Variants in EFCAB6 observed in about 807,000 individuals in gnomAD.
EFCAB6 encodes the protein EF-hand calcium binding domain 6, also known as EF-hand calcium-binding domain-containing protein 6.
In EFCAB6, 156 loss-of-function variants were observed where a neutral mutation model predicts 169.8. That is an observed-to-expected ratio of 0.92 (90% CI 0.81 to 1.05). The LOEUF (loss-of-function observed/expected upper bound fraction) is 1.05. EFCAB6 is among the 50% of genes least tolerant of loss of function. EFCAB6 has a pLI of 0.00. For missense variants in EFCAB6, 1,800 were observed against 1,829.1 expected, an observed-to-expected ratio of 0.98 and a Z score of 0.29; for synonymous variants, 698 against 676.4, an observed-to-expected ratio of 1.03 and a Z score of -0.50.
Position 43,540,589 on chromosome 22 carries a change from A to ATT in EFCAB6, c.3649-234_3649-233dup. The ATT allele has an allele frequency of 2.0e-6, 3 of 1,463,510 alleles. No homozygotes were observed. In the South Asian group the frequency reaches 3.8e-5, roughly 19 times the overall value. The allele number at this position is 1,463,510 out of a possible 1,614,324, so 90.7% of individuals were successfully genotyped here. Reference sequence around the variant, plus strand: ...GGATTATTCATGGCTTCTGCAGGACATTTTTTAATTGAATTGGGCCCTCAG... The same window carrying ATT: ...GGATTATTCATGGCTTCTGCAGGACATTTTTTTTAATTGAATTGGGCCCTCAG... On this transcript the variant is annotated intron_variant, in intron 27 of 31. Transcript: ENST00000262726.
At position 43,608,490 on chromosome 22, in the gene EFCAB6, A is replaced by G. The variant is rs765671189; in HGVS notation, c.2673T>C (p.Leu891=). Residue 891 remains leucine (L), a synonymous_variant, in exon 22 of 32, where the codon CTT becomes CTC. Coordinates refer to ENST00000262726, the MANE Select transcript of EFCAB6 (RefSeq NM_022785.4). ...IPLTPREFEK[L]WARYDTEGKG... ...TCTCACGTGCCACTTACCTTGCCCA[A>G]AGCTTTTCAAACTCTCTTGGTGTGA... 1.1e-5 allele frequency: 18 copies of G among 1,613,964 alleles called. No homozygotes were observed. The Middle Eastern group carries it at 1.3e-3, about 118-fold the overall frequency.
At chr22:43,792,119 G>A (rs1029348920) in intron 2 of EFCAB6, among the ~76,000 whole-genome samples, 2 of 152,202 alleles carry the variant, frequency 1.3e-5, no homozygotes, top group African/African-American at 4.8e-5. Flanking sequence ...AGGAAGTCAG[G>A]TCATCAGCAG....
At chr22:43,667,039 A>G in intron 17 of EFCAB6, 65 bp downstream of exon 17, 2 of 1,544,476 alleles carry the variant, frequency 1.3e-6, no homozygotes, top group Non-Finnish European at 1.8e-6. Context: ...CCTTTAAAGT[A>G]TGTTAGTATA....
At chr22:43,709,227 G>A (rs755347930) in intron 10 of EFCAB6, among the ~76,000 whole-genome samples, 2 of 151,926 alleles carry the variant, frequency 1.3e-5, no homozygotes, top group African/African-American at 2.4e-5. Context: ...GATTACAGGC[G>A]CCCACCACCA....
chr22:43,600,647 G>GAT (rs200775799), intron 22 of EFCAB6, among the ~76,000 whole-genome samples: 4 of 110,636 alleles, frequency 3.6e-5, no homozygotes, highest in Admixed American at 1.0e-4. Flanking sequence ...CGTTTAGCAG[G>GAT]GTTTTTTTTT....
At chr22:43,789,465 G>A (rs1390458102) in intron 2 of EFCAB6, among the ~76,000 whole-genome samples, 2 of 152,120 alleles carry the variant, frequency 1.3e-5, no homozygotes, top group African/African-American at 4.8e-5. Context: ...TTTAGATTAT[G>A]ATTTAAAGAC....
Position 43,583,311 on chromosome 22 carries a change from T to C in EFCAB6, c.3033-2652A>G, listed in dbSNP as rs1056629537. On this transcript the variant is annotated intron_variant, in intron 24 of 31. Coordinates refer to ENST00000262726, the MANE Select transcript of EFCAB6 (RefSeq NM_022785.4). ...GAAAAGCCCTCTTCTGCTTGCTCTT[T>C]GAGATGCTTACAGATTTCATGGTTG... is the stretch of plus-strand genomic sequence containing the variant. 2.6e-5 allele frequency among the ~76,000 whole-genome samples: 4 copies of C among 151,420 alleles called. 1 individual carries two copies. The highest frequency in any genetic ancestry group is 9.7e-5 in the African/African-American group (4 of 41,206).
At position 43,758,644 on chromosome 22, in the gene EFCAB6, A is replaced by G. The variant is rs115878886; in HGVS notation, c.441-2812T>C. ...CCAAAAATCATTTCTATTTACCCAT[A>G]TTTTGCCACTTTCTTTGCTTTTCAC... On this transcript the variant is annotated intron_variant, in intron 5 of 31. Transcript: ENST00000262726. Among the ~76,000 whole-genome samples, 1,399 of 152,056 alleles carry G rather than the reference A, an allele frequency of 9.2e-3. 18 individuals are homozygous for G. Among genetic ancestry groups the G allele is most frequent in the African/African-American group, 0.032 (1,342 of 41,456 alleles).
At chr22:43,699,938 C>T (rs991980368) in intron 10 of EFCAB6, among the ~76,000 whole-genome samples, 1 of 152,176 alleles carries the variant, frequency 6.6e-6, no homozygotes, top group African/African-American at 2.4e-5. Context: ...GATGGAAGGA[C>T]GATGTATGAT....
In EFCAB6 at chr22:43,802,579, T is replaced by A. The variant is rs1245982251; in HGVS notation, c.-8+6416A>T. On this transcript the variant is annotated intron_variant, in intron 2 of 31. Coordinates refer to ENST00000262726, the MANE Select transcript of EFCAB6 (RefSeq NM_022785.4). ...AGATGAAGGACAAATCACAGAGATCTGCAAGCTTGTCTGCTAAACCTGCTC... is the reference window on the plus strand; with the variant it reads ...AGATGAAGGACAAATCACAGAGATCAGCAAGCTTGTCTGCTAAACCTGCTC... The A allele has an allele frequency of 9.7e-6, 4 of 412,110 alleles. No homozygotes were observed. The East Asian group carries it at 1.8e-4, about 19-fold the overall frequency. 25.5% of individuals were successfully genotyped at this position (412,110 alleles called of 1,614,324 possible).
intron 5 of EFCAB6, among the ~76,000 whole-genome samples, chr22:43,757,437 C>T (rs1469803922): frequency 1.3e-5 from 2 of 152,028 alleles, no homozygotes; most frequent in African/African-American, 4.8e-5. Context: ...ATCCCAACTA[C>T]TTAGGAGGCT....
intron 17 of EFCAB6, among the ~76,000 whole-genome samples, chr22:43,659,422 G>T (rs1165653267): frequency 6.6e-6 from 1 of 152,178 alleles, no homozygotes; most frequent in Non-Finnish European, 1.5e-5. Flanking sequence ...ACTTTCGGAG[G>T]CTGAGGTGGG....
chr22:43,630,448 G>A (rs1381914625), intron 19 of EFCAB6, among the ~76,000 whole-genome samples: 3 of 152,220 alleles, frequency 2.0e-5, no homozygotes, highest in East Asian at 1.9e-4. Context: ...TTCACTGATC[G>A]TAAAGATAGG....
intron 8 of EFCAB6, 86 bp downstream of exon 8, chr22:43,731,613 T>C: frequency 1.4e-6 from 1 of 707,266 alleles, no homozygotes; most frequent in South Asian, 2.9e-5. Flanking sequence ...TATTTGAAAG[T>C]ATTTCCTCAG....
chr22:43,730,259 A>AAAGGATGGAGGGAGGGAGGGAAGGAGGG (rs760747878), intron 8 of EFCAB6, among the ~76,000 whole-genome samples: 1 of 808 alleles, frequency 1.2e-3, no homozygotes, highest in Non-Finnish European at 2.3e-3. Context: ...GGGAAGGAGG[A>AAAGGATGGAGGGAGGGAGGGAAGGAGGG]AAGGGAGCGA....
At chr22:43,694,864 A>G (rs1361649235) in intron 10 of EFCAB6, among the ~76,000 whole-genome samples, 2 of 152,054 alleles carry the variant, frequency 1.3e-5, no homozygotes, top group Non-Finnish European at 1.5e-5. Flanking sequence ...ATCACACTCA[A>G]TGGTGTAAAA....
intron 26 of EFCAB6, among the ~76,000 whole-genome samples, chr22:43,560,265 CAT>C (rs759969186): frequency 1.1e-3 from 166 of 152,120 alleles, no homozygotes; most frequent in Non-Finnish European, 1.7e-3. Flanking sequence ...TAAAAAATAA[CAT>C]GTGAGAATTA....
At position 43,769,029 on chromosome 22, in the gene EFCAB6, C is replaced by T. The variant is rs571813785; in HGVS notation, c.352-3636G>A. ...AGAGAACTGAAAACATATGTTCACA[C>T]GAAAACCTTTCACATGAATGTTCAC... On this transcript the variant is annotated intron_variant, in intron 4 of 31. Coordinates refer to ENST00000262726, the MANE Select transcript of EFCAB6 (RefSeq NM_022785.4). Among the ~76,000 whole-genome samples the T allele has an allele frequency of 2.6e-5, 4 of 152,284 alleles. No homozygotes were observed. In the South Asian group the frequency reaches 6.2e-4, roughly 24 times the overall value.
At chr22:43,712,337 A>AG (rs2059190197) in intron 9 of EFCAB6, among the ~76,000 whole-genome samples, 2 of 62,332 alleles carry the variant, frequency 3.2e-5, no homozygotes, top group African/African-American at 1.1e-4. Flanking sequence ...GTCTGAATTC[A>AG]ATTTTTTCCT....
Sources: allele counts gnomAD v4.1 joint callset (sites outside exome capture counted in the v4.1 genomes callset), GRCh38; gene constraint gnomAD v4.1.1; transcripts MANE v1.5; gene names NCBI Gene and HGNC (gene_info 2026-07-23, HGNC 2026-07-21).